RUSC2: variants seen among roughly 807,000 people sequenced by gnomAD.
RUSC2 encodes the protein AP-4 complex accessory subunit RUSC2.
In RUSC2, 34 loss-of-function variants were observed where a neutral mutation model predicts 122.2. That is an observed-to-expected ratio of 0.28 (90% confidence interval 0.21 to 0.37). RUSC2 has a LOEUF of 0.37. RUSC2 is among the 10% of genes least tolerant of loss of function. The pLI, the probability that RUSC2 is intolerant of heterozygous loss-of-function variation, is 1.00. For synonymous variants in RUSC2, 784 were observed against 790.0 expected, an observed-to-expected ratio of 0.99 and a Z score of 0.13; for missense variants, 1,747 against 1,952.4, an observed-to-expected ratio of 0.89 and a Z score of 1.98.
chr9:35,547,739 C>T lies in RUSC2; in HGVS notation c.1218C>T (p.Ser406=). The T allele has an allele frequency of 1.2e-6, 2 of 1,614,158 alleles. 1 individual carries two copies. Among genetic ancestry groups the T allele is most frequent in the South Asian group, 2.2e-5 (2 of 91,090 alleles). The change falls in exon 2 of 12, where the codon TCC becomes TCT. Residue 406 remains serine, a synonymous_variant. Transcript: ENST00000361226. This position sits in a 1 kb window ranked among gnomAD's most constrained non-coding sequence, Gnocchi z 4.6. ...YYKLVTCDLS[S]QSSPSPAGSS... ...AACTTGTCACCTGTGACCTATCTTCCCAATCATCCCCAAGCCCTGCTGGCT... is the reference window on the plus strand; with the variant it reads ...AACTTGTCACCTGTGACCTATCTTCTCAATCATCCCCAAGCCCTGCTGGCT...
chr9:35,508,038 A>G (rs1820948333), intron 1 of RUSC2, among the ~76,000 whole-genome samples: 1 of 152,110 alleles, frequency 6.6e-6, no homozygotes, highest in Non-Finnish European at 1.5e-5. Context: ...CAAATGTTTC[A>G]TCCCTTCATT....
chr9:35,528,928 A>T (rs930186536), intron 1 of RUSC2, among the ~76,000 whole-genome samples: 3 of 152,214 alleles, frequency 2.0e-5, no homozygotes, highest in African/African-American at 7.2e-5. Flanking sequence ...CTTTAAAAAA[A>T]TTTTTAAAAA....
chr9:35,524,282 C>G (rs1821278202), intron 1 of RUSC2, among the ~76,000 whole-genome samples: 1 of 152,192 alleles, frequency 6.6e-6, no homozygotes, highest in Admixed American at 6.5e-5. Flanking sequence ...GCCTGGGCAA[C>G]AGGGTGTGAC....
chr9:35,495,663 A>T (rs1181614213), intron 1 of RUSC2, among the ~76,000 whole-genome samples: 1 of 152,122 alleles, frequency 6.6e-6, no homozygotes, highest in Non-Finnish European at 1.5e-5. Flanking sequence ...ATCCCTTAAG[A>T]TTCCATATGA....
chr9:35,542,679 T>C (rs571347614), intron 1 of RUSC2, among the ~76,000 whole-genome samples: 2 of 152,314 alleles, frequency 1.3e-5, no homozygotes, highest in African/African-American at 4.8e-5. Flanking sequence ...TTCACTGTAT[T>C]GCAGTCTCCA....
rs1821794956 is a variant in RUSC2, at chr9:35,547,893, CAAG to C, written c.1376_1378del (p.Glu459del). On this transcript the variant is annotated inframe_deletion, in exon 2 of 12. Transcript: ENST00000361226. The surrounding 1 kb of genome is among the most constrained non-coding windows in gnomAD (Gnocchi z 4.6). ...GAAGCCAGAAGTCCAGCCAGAGGAA[CAAG>C]AAGCAGTGAGTTCCTCCACCCAAGC... 1 of 1,614,098 alleles carries C rather than the reference CAAG, an allele frequency of 6.2e-7. No individual in the cohort carries two copies. The highest frequency in any genetic ancestry group is 1.7e-5 in the Admixed American group (1 of 60,006).
chr9:35,541,708 G>A (rs980726830), intron 1 of RUSC2, among the ~76,000 whole-genome samples: 1 of 151,892 alleles, frequency 6.6e-6, no homozygotes, highest in Non-Finnish European at 1.5e-5. Context: ...GCCTCCCAAA[G>A]TGCTGGGATT....
chr9:35,528,533 G>GT (rs768526991), intron 1 of RUSC2, among the ~76,000 whole-genome samples: 9 of 148,920 alleles, frequency 6.0e-5, no homozygotes, highest in Non-Finnish European at 1.2e-4. Flanking sequence ...TTGAGATGGA[G>GT]TTTCGCTCTG....
At chr9:35,535,432 G>A (rs1202997006) in intron 1 of RUSC2, among the ~76,000 whole-genome samples, 1 of 89,318 alleles carries the variant, frequency 1.1e-5, no homozygotes, top group Non-Finnish European at 2.6e-5. Flanking sequence ...GCTTCTTTTT[G>A]ATAGATTTTT....
chr9:35,532,511 G>A (rs1466084265), intron 1 of RUSC2, among the ~76,000 whole-genome samples: 2 of 152,208 alleles, frequency 1.3e-5, no homozygotes. Context: ...TTGCAAGGCC[G>A]AGGTGGGCAG....
At position 35,515,748 on chromosome 9, in the gene RUSC2, C is replaced by T. The variant is rs371182025; in HGVS notation, c.-93+25576C>T. 3.7e-4 allele frequency among the ~76,000 whole-genome samples: 56 copies of T among 151,872 alleles called. No homozygotes were observed. In the South Asian group the frequency reaches 9.4e-3, roughly 25 times the overall value. ...ACACAGTGGTTCACACCTATAATTC[C>T]GACACTTTGGGAGGCTGAGGTGGGA... On this transcript the variant is annotated intron_variant, in intron 1 of 11. Transcript: ENST00000361226.
chr9:35,511,068 G>A (rs1027910459), intron 1 of RUSC2, among the ~76,000 whole-genome samples: 4 of 152,288 alleles, frequency 2.6e-5, no homozygotes, highest in Admixed American at 2.0e-4. Context: ...AGCTTGAGGA[G>A]TCTCTTCAGA....
intron 1 of RUSC2, among the ~76,000 whole-genome samples, chr9:35,505,536 A>T (rs1358347589): frequency 2.0e-5 from 3 of 152,176 alleles, no homozygotes; most frequent in Non-Finnish European, 4.4e-5. Context: ...AAATTATTTT[A>T]TATAACCATA....
chr9:35,555,405 G>A lies in RUSC2; in HGVS notation c.2360G>A (p.Gly787Asp). 6.2e-7 allele frequency: 1 copy of A among 1,614,184 alleles called. No individual in the cohort carries two copies. Among genetic ancestry groups the A allele is most frequent in the Non-Finnish European group, 8.5e-7 (1 of 1,180,030 alleles). The change falls in exon 3 of 12, where the codon GGC (glycine) becomes GAC (aspartate). Residue 787 changes from glycine (G) to aspartate (D), a missense_variant. Physicochemically the swap from Gly to Asp is moderately conservative, Grantham distance 94 (BLOSUM62 -1). Coordinates refer to ENST00000361226, the MANE Select transcript of RUSC2 (RefSeq NM_014806.5). This position sits in a 1 kb window ranked among gnomAD's most constrained non-coding sequence, Gnocchi z 4.6. Reference protein sequence around the residue: ...LGSYSPIRSVGPFGPSTDSSA... With the variant: ...LGSYSPIRSVDPFGPSTDSSA... ...AGCTACTCCCCCATCCGGAGTGTTG[G>A]CCCCTTTGGGCCCAGCACTGACTCT...
In RUSC2 at chr9:35,557,277, CT is replaced by C. The variant is rs1822043183; in HGVS notation, c.2984-636del. On this transcript the variant is annotated intron_variant, in intron 5 of 11. Transcript: ENST00000361226. This position sits in a 1 kb window ranked among gnomAD's most constrained non-coding sequence, Gnocchi z 4.6. ...CAAAGGCAGAAGGGGAGAATCAGAG[CT>C]CAGGGAGAAAGAACCCGGGCAAGAA... Among the ~76,000 whole-genome samples the C allele has an allele frequency of 2.0e-5, 3 of 152,088 alleles. No homozygotes were observed. Among genetic ancestry groups the C allele is most frequent in the Non-Finnish European group, 4.4e-5 (3 of 68,026 alleles).
In RUSC2 at chr9:35,546,108, T is replaced by C. The variant is rs1821740131; in HGVS notation, c.-92-322T>C. On this transcript the variant is annotated intron_variant, in intron 1 of 11. Coordinates refer to ENST00000361226, the MANE Select transcript of RUSC2 (RefSeq NM_014806.5). This position sits in a 1 kb window ranked among gnomAD's most constrained non-coding sequence, Gnocchi z 4.3. ...GTGCTAAGGACTGGTCATTGTTTAC[T>C]GCCAAGGAGAGGGTCCTTGAAAGAG... is the stretch of plus-strand genomic sequence containing the variant. Among the ~76,000 whole-genome samples the C allele has an allele frequency of 6.6e-6, 1 of 152,208 alleles. No individual in the cohort carries two copies. The highest frequency in any genetic ancestry group is 6.5e-5 in the Admixed American group (1 of 15,280).
intron 4 of RUSC2, 81 bp from the exon 5 acceptor site, chr9:35,556,227 C>T: frequency 6.3e-7 from 1 of 1,598,340 alleles, no homozygotes; most frequent in Non-Finnish European, 8.5e-7. Context: ...AGGAACGTGT[C>T]TCAGACGGTA....
intron 1 of RUSC2, among the ~76,000 whole-genome samples, chr9:35,533,719 A>C (rs1425972914): frequency 6.6e-6 from 1 of 152,208 alleles, no homozygotes; most frequent in Non-Finnish European, 1.5e-5. Context: ...GGAATGAAAC[A>C]ATATGTGACC....
At position 35,513,801 on chromosome 9, in the gene RUSC2, C is replaced by T. The variant is rs191893917; in HGVS notation, c.-93+23629C>T. Among the ~76,000 whole-genome samples, 253 of 149,326 alleles carry T rather than the reference C, an allele frequency of 1.7e-3. 1 individual carries two copies. Among genetic ancestry groups the T allele is most frequent in the African/African-American group, 5.8e-3 (238 of 40,842 alleles). On this transcript the variant is annotated intron_variant, in intron 1 of 11. Transcript: ENST00000361226. ...CCAAGGCAGGAGGATCACTTGAGCC[C>T]AGGAGTTTGAGACCAGTGTGGGCAA...
Sources: allele counts gnomAD v4.1 joint callset (sites outside exome capture counted in the v4.1 genomes callset), GRCh38; gene constraint gnomAD v4.1.1; non-coding constraint Gnocchi (gnomAD v3.1); transcripts MANE v1.5; gene names NCBI Gene and HGNC (gene_info 2026-07-23, HGNC 2026-07-21).